The following LINC00632 variants were observed in gnomAD, a reference collection of about 807,000 sequenced individuals.
The protein encoded by LINC00632 is ALDOA related specific transcript.
chrX:140,724,729 TAC>T (rs747669015), intron 2 of LINC00632, among the ~76,000 whole-genome samples: 18 of 29,338 alleles, frequency 6.1e-4, no homozygotes, highest in African/African-American at 1.5e-3. Context: ...ACATTCCATA[TAC>T]ACACACACAT....
intron 2 of LINC00632, among the ~76,000 whole-genome samples, chrX:140,713,001 C>G (rs763933744): frequency 3.8e-4 from 42 of 110,828 alleles, no homozygotes; most frequent in African/African-American, 1.0e-3. Context: ...TATGAGGAGG[C>G]TGGTTTCCCT....
At chrX:140,712,981 G>A (rs1023130877) in intron 2 of LINC00632, among the ~76,000 whole-genome samples, 2 of 110,841 alleles carry the variant, frequency 1.8e-5, no homozygotes, top group African/African-American at 6.6e-5. Context: ...GCATTAGACT[G>A]TGTTTTGTTT....
chrX:140,738,623 A>T (rs1442946705), intron 3 of LINC00632, among the ~76,000 whole-genome samples: 2 of 112,407 alleles, frequency 1.8e-5, no homozygotes, highest in African/African-American at 6.5e-5. Flanking sequence ...AAATGTGGCT[A>T]GTACAAACAG....
At chrX:140,738,973 C>T (rs1245334329) in intron 3 of LINC00632, among the ~76,000 whole-genome samples, 2 of 111,612 alleles carry the variant, frequency 1.8e-5, no homozygotes, top group African/African-American at 6.5e-5. Flanking sequence ...TCTGATGTAA[C>T]GTGTGCCTTT....
At chrX:140,759,986 A>G (rs1931573583) in intron 3 of LINC00632, among the ~76,000 whole-genome samples, 1 of 112,226 alleles carries the variant, frequency 8.9e-6, no homozygotes, top group South Asian at 3.8e-4. Context: ...TTCATTCAAC[A>G]TACACAGGAA....
intron 2 of LINC00632, among the ~76,000 whole-genome samples, chrX:140,721,053 CTT>C (rs1422725693): frequency 4.5e-5 from 5 of 111,487 alleles, no homozygotes; most frequent in Admixed American, 1.9e-4. Flanking sequence ...AATAGCCAGA[CTT>C]GACCTGCAAT....
exon 5 of LINC00632, among the ~76,000 whole-genome samples, chrX:140,791,022 A>T (rs1174208163): frequency 9.0e-6 from 1 of 111,464 alleles, no homozygotes; most frequent in Non-Finnish European, 1.9e-5. Context: ...AAGACTTTAT[A>T]ACTTCCAGGA....
chrX:140,774,400 C>T (rs1217867102), intron 4 of LINC00632, among the ~76,000 whole-genome samples: 2 of 111,625 alleles, frequency 1.8e-5, no homozygotes, highest in African/African-American at 6.5e-5. Flanking sequence ...GCTTACTTGA[C>T]AGGGGAGAAG....
exon 5 of LINC00632, among the ~76,000 whole-genome samples, chrX:140,786,660 T>A (rs1043315060): frequency 2.7e-5 from 3 of 111,492 alleles, no homozygotes; most frequent in Non-Finnish European, 5.7e-5. Context: ...TACTTTTTGG[T>A]TTAGTATATT....
chrX:140,763,402 CAAAAA>C (rs139059108), intron 3 of LINC00632, among the ~76,000 whole-genome samples: 2 of 73,639 alleles, frequency 2.7e-5, no homozygotes. Context: ...GACTCTGTCT[CAAAAA>C]AAAAAAAAAA....
At chrX:140,723,795 TACAC>T (rs376897099) in intron 2 of LINC00632, among the ~76,000 whole-genome samples, 1 of 8,715 alleles carries the variant, frequency 1.1e-4, no homozygotes, top group Admixed American at 2.1e-3. Context: ...CACACATACA[TACAC>T]ACACACATAC....
intron 3 of LINC00632, among the ~76,000 whole-genome samples, chrX:140,735,555 GTATT>G (rs574366226): frequency 3.7e-5 from 4 of 109,483 alleles, no homozygotes; most frequent in African/African-American, 6.8e-5. Context: ...TGATAAAATG[GTATT>G]TATTTATTTA....
rs376412840 is a variant in LINC00632, at chrX:140,714,447, C to T, written n.104+2791C>T. The T allele has an allele frequency of 7.4e-4, 83 of 112,657 alleles. 1 individual carries two copies. The South Asian group carries it at 0.031, about 42-fold the overall frequency. The allele number at this position is 112,657 out of a possible 1,213,427, so 9.3% of individuals were successfully genotyped here. On this transcript the variant is annotated intron_variant and non_coding_transcript_variant, in intron 2 of 4. Transcript: ENST00000648200. ...TTACAACATATATCACTCCTTGATG[C>T]ACACAATTGTGCCACAGCACACAAA...
rs150812682 is a variant in LINC00632 at position 140,785,521 on chromosome X, T to C, written n.13540T>C. ...TAGAATGATGTGATCCAAAGGTTGATTGCTTCCACATTTTGTGTAGAATAT... is the reference window on the plus strand; with the variant it reads ...TAGAATGATGTGATCCAAAGGTTGACTGCTTCCACATTTTGTGTAGAATAT... On this transcript the variant is annotated non_coding_transcript_exon_variant, in exon 5 of 5. Coordinates refer to ENST00000648200, the Ensembl canonical transcript of LINC00632. Among the ~76,000 whole-genome samples the C allele has an allele frequency of 5.5e-3, 620 of 112,424 alleles. 2 individuals are homozygous for C. Among genetic ancestry groups the C allele is most frequent in the Non-Finnish European group, 0.01 (539 of 53,247 alleles).
intron 3 of LINC00632, among the ~76,000 whole-genome samples, chrX:140,766,844 C>T (rs1162296626): frequency 1.8e-5 from 2 of 111,564 alleles, no homozygotes; most frequent in African/African-American, 3.3e-5. Flanking sequence ...AGAGTTGTAT[C>T]GATACTAATT....
exon 5 of LINC00632, among the ~76,000 whole-genome samples, chrX:140,785,187 A>T (rs750069257): frequency 1.4e-4 from 12 of 86,482 alleles, no homozygotes; most frequent in Admixed American, 9.8e-4. Context: ...ATAATAATAT[A>T]ATAATAATAA....
chrX:140,785,184 T>TATA (rs777271354), exon 5 of LINC00632, among the ~76,000 whole-genome samples: 1,060 of 104,786 alleles, frequency 0.01, 4 homozygotes, highest in Middle Eastern at 0.02. Context: ...ATAATAATAA[T>TATA]ATAATAATAA....
At chrX:140,782,156 A>G (rs1303767516) in exon 5 of LINC00632, among the ~76,000 whole-genome samples, 1 of 111,973 alleles carries the variant, frequency 8.9e-6, no homozygotes, top group Non-Finnish European at 1.9e-5. Flanking sequence ...GAGATGAAAT[A>G]GTATTAAAGA....
chrX:140,756,066 T>C (rs1477665081), intron 3 of LINC00632, among the ~76,000 whole-genome samples: 1 of 110,882 alleles, frequency 9.0e-6, no homozygotes, highest in African/African-American at 3.3e-5. Flanking sequence ...CTGCCCAAAA[T>C]AGAACAATAA....
Sources: allele counts gnomAD v4.1 joint callset (sites outside exome capture counted in the v4.1 genomes callset), GRCh38; gene constraint gnomAD v4.1.1; transcripts MANE v1.5; gene names NCBI Gene and HGNC (gene_info 2026-07-23, HGNC 2026-07-21).